The following ANKRD31 variants were observed in gnomAD, a reference collection of about 807,000 sequenced individuals.
ANKRD31 encodes the protein ankyrin repeat domain-containing protein 31.
In ANKRD31, 147 loss-of-function variants were observed where a neutral mutation model predicts 186.0. The observed-to-expected ratio is 0.79, with a 90% CI of 0.69 to 0.91. The LOEUF (loss-of-function observed/expected upper bound fraction) is 0.91, where lower values mean the gene tolerates loss of function less well. ANKRD31 is among the 40% of genes least tolerant of loss of function. The pLI is 0.00. For synonymous variants in ANKRD31, 673 were observed against 736.4 expected, an observed-to-expected ratio of 0.91 and a Z score of 1.39; for missense variants, 1,986 against 2,148.8, an observed-to-expected ratio of 0.92 and a Z score of 1.50.
At chr5:75,098,266 C>T (rs553424032) in intron 22 of ANKRD31, among the ~76,000 whole-genome samples, 112 of 152,230 alleles carry the variant, frequency 7.4e-4, no homozygotes, top group African/African-American at 2.5e-3. Flanking sequence ...GGATTACAGG[C>T]GTGAGCCACC....
chr5:75,117,543 T>C (rs1293100324), intron 18 of ANKRD31, among the ~76,000 whole-genome samples: 2 of 152,110 alleles, frequency 1.3e-5, no homozygotes, highest in African/African-American at 2.4e-5. Context: ...AGGGGAGAAG[T>C]GTGTGACACA....
chr5:75,232,975 AT>A (rs1408342431), intron 1 of ANKRD31, among the ~76,000 whole-genome samples: 2 of 152,110 alleles, frequency 1.3e-5, no homozygotes, highest in African/African-American at 4.8e-5. Context: ...TCCCTACATA[AT>A]TTAGTTACTT....
intron 10 of ANKRD31, among the ~76,000 whole-genome samples, chr5:75,174,443 A>G (rs1753606728): frequency 6.6e-6 from 1 of 152,164 alleles, no homozygotes; most frequent in African/African-American, 2.4e-5. Flanking sequence ...AACAGTGAAC[A>G]GGCAACCTAC....
At chr5:75,182,987 G>T (rs1308301128) in intron 10 of ANKRD31, among the ~76,000 whole-genome samples, 3 of 152,078 alleles carry the variant, frequency 2.0e-5, no homozygotes, top group African/African-American at 7.2e-5. Flanking sequence ...TACCCCTGAT[G>T]AACACAGGGG....
intron 22 of ANKRD31, among the ~76,000 whole-genome samples, chr5:75,099,565 CT>C (rs1386306590): frequency 2.6e-5 from 4 of 152,102 alleles, no homozygotes; most frequent in Non-Finnish European, 5.9e-5. Flanking sequence ...TGGTCCTGGA[CT>C]TTTTTTGGTT....
At chr5:75,127,872 C>G (rs906667470) in intron 17 of ANKRD31, among the ~76,000 whole-genome samples, 7 of 151,948 alleles carry the variant, frequency 4.6e-5, no homozygotes, top group African/African-American at 1.7e-4. Context: ...TAACATTTAC[C>G]CCCAATTATT....
At chr5:75,176,846 G>A (rs908303337) in intron 10 of ANKRD31, among the ~76,000 whole-genome samples, 18 of 152,330 alleles carry the variant, frequency 1.2e-4, no homozygotes, top group African/African-American at 2.6e-4. Flanking sequence ...CTAAAGGAAC[G>A]CAGCTCCTCA....
chr5:75,086,320 G>C (rs1745475656), intron 23 of ANKRD31, among the ~76,000 whole-genome samples: 1 of 152,138 alleles, frequency 6.6e-6, no homozygotes, highest in Non-Finnish European at 1.5e-5. Context: ...TTATTGAACA[G>C]GTTAATGAAT....
At position 75,196,111 on chromosome 5, in the gene ANKRD31, T is replaced by C. The variant is rs1163532998; in HGVS notation, c.537A>G (p.Thr179=). 1 of 1,536,498 alleles carries C rather than the reference T, an allele frequency of 6.5e-7. No individual in the cohort carries two copies. Among genetic ancestry groups the C allele is most frequent in the Non-Finnish European group, 8.7e-7 (1 of 1,146,602 alleles). Residue 179 remains threonine, a synonymous_variant, in exon 7 of 26, where the codon ACA becomes ACG. Transcript: ENST00000506364. ...TVSDTVAVKE[T]SLVEPEKILA... ...AAATCTTCTCTGGCTCTACTAATGATGTCTCCTTTACAGCAACTGTATCAG... is the reference window on the plus strand; with the variant it reads ...AAATCTTCTCTGGCTCTACTAATGACGTCTCCTTTACAGCAACTGTATCAG...
rs1754877867 is a variant in ANKRD31, at chr5:75,188,410, A to C, written c.1564+83T>G. On this transcript the variant is annotated intron_variant, in intron 10 of 25. Coordinates refer to ENST00000506364, the MANE Select transcript of ANKRD31 (RefSeq NM_001372053.1). ...TCTGTTTGGAACTTACCTTAGGCTC[A>C]CTTTGCTATACTTTCCTAAGAGTGA... 3 of 1,306,588 alleles carry C rather than the reference A, an allele frequency of 2.3e-6. No homozygotes were observed. The East Asian group carries it at 8.2e-5, about 36-fold the overall frequency. 80.9% of individuals were successfully genotyped at this position (1,306,588 alleles called of 1,614,324 possible).
intron 10 of ANKRD31, among the ~76,000 whole-genome samples, chr5:75,172,486 T>C (rs934957091): frequency 6.6e-6 from 1 of 151,292 alleles, no homozygotes; most frequent in Non-Finnish European, 1.5e-5. Context: ...TTGATACACC[T>C]CTAGCAAGAC....
intron 4 of ANKRD31, among the ~76,000 whole-genome samples, chr5:75,209,134 A>G (rs1756441633): frequency 1.3e-5 from 2 of 152,320 alleles, no homozygotes; most frequent in African/African-American, 4.8e-5. Context: ...AACTTTTTGC[A>G]TTCTATTACA....
chr5:75,112,526 G>A lies in ANKRD31; in HGVS notation c.4230C>T (p.Asn1410=), dbSNP rs567002583. 2 of 1,508,734 alleles carry A rather than the reference G, an allele frequency of 1.3e-6. No homozygotes were observed. The highest frequency in any genetic ancestry group is 2.8e-5 in the African/African-American group (2 of 72,190). 93.5% of individuals were successfully genotyped at this position (1,508,734 alleles called of 1,614,324 possible). A position where few individuals can be genotyped will look rare whatever the true frequency, so the allele number is the denominator to read the frequency against. The change falls in exon 20 of 26, where the codon AAC becomes AAT. Residue 1410 remains asparagine (N), a synonymous_variant. Transcript: ENST00000506364. The part of the protein sequence containing the change: ...QEYLLEFEIR[N]PEDAEQYIEK... ...GTCTATATTTACCTGCATCTTCAGG[G>A]TTTCTTATTTCAAACTCTAATAAAT...
At chr5:75,199,730 C>T in intron 5 of ANKRD31, 56 bp from the exon 6 acceptor site, 4 of 1,383,836 alleles carry the variant, frequency 2.9e-6, no homozygotes, top group Admixed American at 4.2e-5. Flanking sequence ...AAAAACATAC[C>T]TTCTCAGTTG....
intron 22 of ANKRD31, among the ~76,000 whole-genome samples, chr5:75,102,103 G>A (rs1052420888): frequency 2.5e-4 from 38 of 152,200 alleles, no homozygotes; most frequent in African/African-American, 9.2e-4. Context: ...CATACAGATG[G>A]GGGTTTGGTG....
At chr5:75,126,987 AG>A (rs1749306316) in intron 17 of ANKRD31, among the ~76,000 whole-genome samples, 2 of 152,154 alleles carry the variant, frequency 1.3e-5, no homozygotes, top group Admixed American at 1.3e-4. Context: ...GTTCAAGACC[AG>A]CCTGGCCAAA....
chr5:75,207,585 C>T (rs1006682357), intron 4 of ANKRD31, among the ~76,000 whole-genome samples: 3 of 151,966 alleles, frequency 2.0e-5, no homozygotes, highest in Non-Finnish European at 4.4e-5. Flanking sequence ...TCAAAATTCA[C>T]ATTTTTAAAA....
chr5:75,069,528 T>G (rs887406672), intron 25 of ANKRD31, among the ~76,000 whole-genome samples: 1 of 151,872 alleles, frequency 6.6e-6, no homozygotes, highest in African/African-American at 2.4e-5. Context: ...TGTAATGAGT[T>G]TTTTGTTTTT....
At chr5:75,078,296 C>A (rs1041445587) in intron 25 of ANKRD31, among the ~76,000 whole-genome samples, 1 of 152,166 alleles carries the variant, frequency 6.6e-6, no homozygotes, top group Admixed American at 6.5e-5. Flanking sequence ...ATTATGTATA[C>A]TTCTACAGAG....
Sources: gnomAD v4.1 joint callset for allele counts (sites outside exome capture counted in the v4.1 genomes callset) on GRCh38, gnomAD v4.1.1 for gene constraint, MANE v1.5 for transcripts, NCBI Gene and HGNC (gene_info 2026-07-23, HGNC 2026-07-21) for gene names.